The following DOCK4 variants were observed in gnomAD, a reference collection of about 807,000 sequenced individuals.
DOCK4 encodes the protein dedicator of cytokinesis protein 4.
DOCK4 carries 97 observed loss-of-function variants against 268.1 expected under a neutral mutation model. The observed-to-expected ratio is 0.36, with a 90% CI of 0.31 to 0.43. The LOEUF (loss-of-function observed/expected upper bound fraction) is 0.43. DOCK4 is among the 20% of genes least tolerant of loss of function. The pLI is 1.00. For synonymous variants in DOCK4, 954 were observed against 887.2 expected, an observed-to-expected ratio of 1.08 and a Z score of -1.34; for missense variants, 2,145 against 2,455.7, an observed-to-expected ratio of 0.87 and a Z score of 2.67.
chr7:111,995,267 G>C (rs1242089548), intron 4 of DOCK4, among the ~76,000 whole-genome samples: 4 of 152,052 alleles, frequency 2.6e-5, no homozygotes, highest in Non-Finnish European at 4.4e-5. Flanking sequence ...TCCTGACCTT[G>C]TGATCTGCCT....
intron 1 of DOCK4, among the ~76,000 whole-genome samples, chr7:112,119,325 T>A (rs1812484372): frequency 6.6e-6 from 1 of 151,846 alleles, no homozygotes; most frequent in Non-Finnish European, 1.5e-5. Flanking sequence ...TGGCAGTAGA[T>A]CCCCACCAGT....
At chr7:111,786,224 C>T (rs957089514) in intron 32 of DOCK4, among the ~76,000 whole-genome samples, 2 of 152,092 alleles carry the variant, frequency 1.3e-5, no homozygotes. Context: ...CTAAGAAATA[C>T]CTGAGATGAA....
chr7:111,928,613 A>G (rs1793931575), intron 12 of DOCK4, among the ~76,000 whole-genome samples: 4 of 134,700 alleles, frequency 3.0e-5, no homozygotes, highest in African/African-American at 5.7e-5. Context: ...TTTAAGATGG[A>G]GTCTCGCTCT....
intron 2 of DOCK4, among the ~76,000 whole-genome samples, chr7:112,001,177 T>G (rs1800395118): frequency 6.6e-6 from 1 of 152,242 alleles, no homozygotes; most frequent in African/African-American, 2.4e-5. Flanking sequence ...ATTTTTATTC[T>G]GTAGAATGAC....
At chr7:112,084,920 A>G (rs1251738647) in intron 1 of DOCK4, among the ~76,000 whole-genome samples, 1 of 152,100 alleles carries the variant, frequency 6.6e-6, no homozygotes, top group Non-Finnish European at 1.5e-5. Flanking sequence ...TGTGTACTTT[A>G]GAAAATGAAA....
chr7:111,863,661 T>C, intron 22 of DOCK4, 97 bp from the exon 23 acceptor site: 1 of 1,251,548 alleles, frequency 8.0e-7, no homozygotes, highest in Non-Finnish European at 1.1e-6. Flanking sequence ...CAAGTGTTTT[T>C]GAATGGTAGG....
At chr7:111,764,962 C>T (rs1174714483) in intron 39 of DOCK4, among the ~76,000 whole-genome samples, 156 bp downstream of exon 39, 1 of 150,684 alleles carries the variant, frequency 6.6e-6, no homozygotes. Flanking sequence ...TTAAACAAGG[C>T]ATTCTAGATT....
At chr7:112,164,380 A>G (rs896461890) in intron 1 of DOCK4, among the ~76,000 whole-genome samples, 1 of 152,238 alleles carries the variant, frequency 6.6e-6, no homozygotes, top group African/African-American at 2.4e-5. Flanking sequence ...CTTTAAATAT[A>G]TACATATATA....
At chr7:112,106,781 A>G (rs1586834816) in intron 1 of DOCK4, among the ~76,000 whole-genome samples, 1 of 152,328 alleles carries the variant, frequency 6.6e-6, no homozygotes, top group Middle Eastern at 3.4e-3. Context: ...GGAGGTGGAC[A>G]TGTTAAGTTC....
At chr7:111,742,230 T>C in intron 44 of DOCK4, 98 bp from the exon 45 acceptor site, 1 of 1,245,152 alleles carries the variant, frequency 8.0e-7, no homozygotes, top group Non-Finnish European at 1.1e-6. Flanking sequence ...TTCGCTTGCA[T>C]TATTGCTAAT....
chr7:112,076,592 C>A (rs1808088752), intron 1 of DOCK4, among the ~76,000 whole-genome samples: 1 of 152,092 alleles, frequency 6.6e-6, no homozygotes, highest in East Asian at 1.9e-4. Flanking sequence ...TCCAGGTAGC[C>A]AGTTTAATTC....
chr7:111,958,474 C>T (rs1796608819), intron 8 of DOCK4, among the ~76,000 whole-genome samples: 1 of 152,138 alleles, frequency 6.6e-6, no homozygotes, highest in Non-Finnish European at 1.5e-5. Flanking sequence ...GGAAAAAAGA[C>T]AGAGATGACC....
chr7:112,107,755 G>GA (rs1171037547), intron 1 of DOCK4, among the ~76,000 whole-genome samples: 3 of 152,218 alleles, frequency 2.0e-5, no homozygotes, highest in African/African-American at 7.2e-5. Flanking sequence ...GGGAAGAACA[G>GA]AAAAAGTTAC....
Position 111,977,211 on chromosome 7 carries a change from T to C in DOCK4, c.622A>G (p.Ser208Gly). The C allele has an allele frequency of 1.9e-6, 3 of 1,612,126 alleles. No individual in the cohort carries two copies. Among genetic ancestry groups the C allele is most frequent in the Non-Finnish European group, 2.5e-6 (3 of 1,179,230 alleles). Reference sequence around the variant, plus strand: ...TCTCCCAGGTTGGAACACATGAGGCTCTTCATCTGGACAAAGAGGTGGTGA... The same window carrying C: ...TCTCCCAGGTTGGAACACATGAGGCCCTTCATCTGGACAAAGAGGTGGTGA... ...SSHHLFVQMK[S>G]LMCSNLGEEL... is the part of the protein sequence containing the mutation. Residue 208 changes from serine to glycine, a missense_variant, in exon 8 of 53, where the codon AGC becomes GGC. Physicochemically the swap from Ser to Gly is moderately conservative, Grantham distance 56. Around this residue, in one of 2 missense-constraint regions of DOCK4, gnomAD observed 1,598 missense variants for 1,986.7 expected, o/e 0.80. Transcript: ENST00000428084.
chr7:111,954,760 G>A (rs185845196), intron 8 of DOCK4, among the ~76,000 whole-genome samples: 1,661 of 152,136 alleles, frequency 0.011, 17 homozygotes, highest in South Asian at 0.036. Flanking sequence ...TTTAGGCCTC[G>A]GCCTGTCTGC....
intron 1 of DOCK4, among the ~76,000 whole-genome samples, chr7:112,105,117 A>G (rs78678593): frequency 0.019 from 2,932 of 152,302 alleles, 108 homozygotes; most frequent in African/African-American, 0.066. Context: ...CTTGTATCCA[A>G]GTGGAAAAAC....
chr7:112,154,466 T>C (rs1816418597), intron 1 of DOCK4, among the ~76,000 whole-genome samples: 1 of 151,700 alleles, frequency 6.6e-6, no homozygotes, highest in Non-Finnish European at 1.5e-5. Flanking sequence ...GAAATACAGA[T>C]TAATGTGAAG....
intron 12 of DOCK4, among the ~76,000 whole-genome samples, chr7:111,934,819 G>A (rs769950693): frequency 4.3e-4 from 65 of 151,182 alleles, no homozygotes; most frequent in Non-Finnish European, 7.5e-4. Context: ...GATTACAGGC[G>A]TGAGCCACTG....
intron 7 of DOCK4, among the ~76,000 whole-genome samples, chr7:111,981,615 G>A (rs1798615268): frequency 6.6e-6 from 1 of 152,222 alleles, no homozygotes; most frequent in Non-Finnish European, 1.5e-5. Context: ...TATTTGAGTT[G>A]TTTTTGGGCT....
Sources: allele counts gnomAD v4.1 joint callset (sites outside exome capture counted in the v4.1 genomes callset), GRCh38; gene constraint gnomAD v4.1.1; regional missense constraint gnomAD v4.1.1; transcripts MANE v1.5; gene names NCBI Gene and HGNC (gene_info 2026-07-23, HGNC 2026-07-21).